The following ZNF521 variants were observed in gnomAD, a reference collection of about 807,000 sequenced individuals.
ZNF521 encodes the protein zinc finger protein 521.
A neutral mutation model predicts 105.5 loss-of-function variants in ZNF521; 14 were observed. That is an observed-to-expected ratio of 0.13 (90% CI 0.09 to 0.21). The LOEUF (loss-of-function observed/expected upper bound fraction) is 0.21. Among genes scored for constraint, ZNF521 ranks in the 10% least tolerant of loss-of-function variants. The pLI, the probability that ZNF521 is intolerant of heterozygous loss-of-function variation, is 1.00. For missense variants in ZNF521, 1,233 were observed against 1,629.7 expected (o/e 0.76, Z 4.19); for synonymous variants, 635 against 606.0 (o/e 1.05, Z -0.70).
intron 5 of ZNF521, among the ~76,000 whole-genome samples, chr18:25,178,219 C>A (rs756796445): frequency 6.6e-6 from 1 of 152,150 alleles, no homozygotes; most frequent in African/African-American, 2.4e-5. Context: ...TATACAGATA[C>A]CTACAGAAAG....
intron 3 of ZNF521, among the ~76,000 whole-genome samples, chr18:25,229,438 C>T (rs141590934): frequency 6.6e-6 from 1 of 152,198 alleles, no homozygotes; most frequent in Admixed American, 6.5e-5. Flanking sequence ...CAACATGTTT[C>T]CAGCATAAGA....
intron 3 of ZNF521, among the ~76,000 whole-genome samples, chr18:25,266,484 G>A (rs768772724): frequency 1.3e-4 from 20 of 149,168 alleles, no homozygotes; most frequent in Non-Finnish European, 2.5e-4. Context: ...GAACAGGTCC[G>A]GTCTGCAGCT....
chr18:25,144,331 C>T (rs1447041897), intron 5 of ZNF521, among the ~76,000 whole-genome samples: 1 of 152,142 alleles, frequency 6.6e-6, no homozygotes, highest in East Asian at 1.9e-4. Context: ...CAGATAATCA[C>T]ACCAGGAAAA....
chr18:25,136,321 A>T (rs555406963), intron 5 of ZNF521, among the ~76,000 whole-genome samples: 1 of 152,316 alleles, frequency 6.6e-6, no homozygotes, highest in East Asian at 1.9e-4. Context: ...AGGAGTTTTC[A>T]GATCACCTAG....
intron 3 of ZNF521, among the ~76,000 whole-genome samples, chr18:25,257,616 G>A (rs1908610546): frequency 6.6e-6 from 1 of 152,120 alleles, no homozygotes; most frequent in Non-Finnish European, 1.5e-5. Context: ...GCCTGCCAGT[G>A]GCTACACGGA....
intron 5 of ZNF521, among the ~76,000 whole-genome samples, chr18:25,193,654 A>G (rs777267599): frequency 4.6e-5 from 7 of 152,000 alleles, no homozygotes; most frequent in Non-Finnish European, 1.0e-4. Context: ...TATATAAGGT[A>G]TTTTTTACAA....
chr18:25,156,119 C>A (rs947409249), intron 5 of ZNF521, among the ~76,000 whole-genome samples: 1 of 152,008 alleles, frequency 6.6e-6, no homozygotes. Context: ...CCACAGCAGG[C>A]GGAAATGGGT....
At chr18:25,343,292 C>G (rs1335556285) in intron 2 of ZNF521, among the ~76,000 whole-genome samples, 2 of 152,030 alleles carry the variant, frequency 1.3e-5, no homozygotes, top group African/African-American at 4.8e-5. Context: ...ATTTTAATTT[C>G]AAAAAGGAAA....
At chr18:25,347,670 A>G (rs1167563130) in intron 2 of ZNF521, among the ~76,000 whole-genome samples, 2 of 152,200 alleles carry the variant, frequency 1.3e-5, no homozygotes, top group African/African-American at 4.8e-5. Context: ...TTATTCCTTC[A>G]GGGTACTAAA....
intron 5 of ZNF521, among the ~76,000 whole-genome samples, chr18:25,118,264 T>C (rs1170271893): frequency 1.3e-5 from 2 of 152,080 alleles, no homozygotes; most frequent in Admixed American, 1.3e-4. Context: ...AATTTATCTT[T>C]AGCAGAACTG....
In ZNF521 at chr18:25,110,810, G is replaced by C. The variant is rs144662029; in HGVS notation, c.3659-18729C>G. Among the ~76,000 whole-genome samples the C allele has an allele frequency of 2.6e-3, 395 of 151,750 alleles. 6 individuals are homozygous for C. In the East Asian group the frequency reaches 0.064, roughly 24 times the overall value. On this transcript the variant is annotated intron_variant, in intron 5 of 7. Coordinates refer to ENST00000361524, the MANE Select transcript of ZNF521 (RefSeq NM_015461.3). ...GAGTCTTGCTCTGTCACCCAGGCTG[G>C]AGTGCAGGGTACAATCTTAGCTCAC...
rs746463852 is a variant in ZNF521, at chr18:25,285,063, G to GA, written c.220+36944dup. On this transcript the variant is annotated intron_variant, in intron 3 of 7. Coordinates refer to ENST00000361524, the MANE Select transcript of ZNF521 (RefSeq NM_015461.3). ...AAGCTGAAGGAGTGGCCAGAAAAGG[G>GA]AAAAAAAAAAAAAACACTTCAACCC... 8.4e-3 allele frequency among the ~76,000 whole-genome samples: 1,102 copies of GA among 130,536 alleles called. 4 individuals carry two copies. The highest frequency in any genetic ancestry group is 0.016 in the Middle Eastern group (4 of 256). 85.6% of individuals were successfully genotyped at this position (130,536 alleles called of 152,430 possible).
chr18:25,067,380 G>A (rs531691215), intron 7 of ZNF521, among the ~76,000 whole-genome samples: 38 of 152,168 alleles, frequency 2.5e-4, no homozygotes, highest in Admixed American at 6.5e-4. Flanking sequence ...AAAAACAGAC[G>A]AGGGCCTTAA....
At chr18:25,175,089 T>TCCA (rs1446881738) in intron 5 of ZNF521, among the ~76,000 whole-genome samples, 1 of 152,152 alleles carries the variant, frequency 6.6e-6, no homozygotes, top group Non-Finnish European at 1.5e-5. Context: ...TACACCAATT[T>TCCA]CCAAGGTGAT....
rs11343299 is a variant in ZNF521, at chr18:25,312,817, CAAAAAAAAAAAA to C, written c.220+9179_220+9190del. On this transcript the variant is annotated intron_variant, in intron 3 of 7. Transcript: ENST00000361524. Reference sequence around the variant, plus strand: ...TGGGCGACAGAGCGAGACTCCGTCTCAAAAAAAAAAAAAAAAAAAAAAAAGAAGTTGGAACCA... The same window carrying C: ...TGGGCGACAGAGCGAGACTCCGTCTCAAAAAAAAAAAAGAAGTTGGAACCA... 1.2e-4 allele frequency among the ~76,000 whole-genome samples: 2 copies of C among 16,250 alleles called. 1 individual carries two copies. Among genetic ancestry groups the C allele is most frequent in the Non-Finnish European group, 2.8e-4 (2 of 7,124 alleles). The allele number at this position is 16,250 out of a possible 152,430, so 10.7% of individuals were successfully genotyped here. A position where few individuals can be genotyped will look rare whatever the true frequency, so the allele number is the denominator to read the frequency against.
chr18:25,299,220 G>A (rs1214204288), intron 3 of ZNF521, among the ~76,000 whole-genome samples: 2 of 152,178 alleles, frequency 1.3e-5, no homozygotes, highest in Non-Finnish European at 2.9e-5. Flanking sequence ...GTCTGGGTAG[G>A]AAACCATACA....
At chr18:25,119,450 T>C (rs1043166136) in intron 5 of ZNF521, among the ~76,000 whole-genome samples, 1 of 151,966 alleles carries the variant, frequency 6.6e-6, no homozygotes, top group Non-Finnish European at 1.5e-5. Flanking sequence ...TTTAATAGAA[T>C]TAAAATCACA....
chr18:25,310,660 T>C (rs368706973), intron 3 of ZNF521, among the ~76,000 whole-genome samples: 5 of 152,174 alleles, frequency 3.3e-5, no homozygotes, highest in African/African-American at 9.6e-5. Context: ...GTTATGATTA[T>C]CTTTGGTCCT....
At chr18:25,099,884 A>G (rs2144252149) in intron 5 of ZNF521, among the ~76,000 whole-genome samples, 1 of 152,322 alleles carries the variant, frequency 6.6e-6, no homozygotes, top group East Asian at 1.9e-4. Context: ...TTCATGCAGC[A>G]TAAACTAAAT....
Sources: allele counts gnomAD v4.1 joint callset (sites outside exome capture counted in the v4.1 genomes callset), GRCh38; gene constraint gnomAD v4.1.1; transcripts MANE v1.5; gene names NCBI Gene and HGNC (gene_info 2026-07-23, HGNC 2026-07-21).